Variants in ZFHX3 observed in about 807,000 individuals in gnomAD.
ZFHX3 encodes zinc finger homeobox 3, also known as zinc finger homeobox protein 3.
A neutral mutation model predicts 279.1 loss-of-function variants in ZFHX3; 42 were observed. The ratio of observed to expected loss-of-function variants is 0.15; its 90% CI spans 0.12 to 0.19. The LOEUF (loss-of-function observed/expected upper bound fraction) is 0.19. Ranked by LOEUF, ZFHX3 falls within the 10% of genes least tolerant of loss-of-function variation. The pLI is 1.00. For synonymous variants in ZFHX3, 2,293 were observed against 1,957.8 expected, an observed-to-expected ratio of 1.17 and a Z score of -4.52; for missense variants, 4,981 against 4,754.0, an observed-to-expected ratio of 1.05 and a Z score of -1.40.
chr16:73,171,119 G>A (rs1448551991), intron 5 of ZFHX3, among the ~76,000 whole-genome samples: 1 of 152,104 alleles, frequency 6.6e-6, no homozygotes, highest in African/African-American at 2.4e-5. Flanking sequence ...TCAAATAGAG[G>A]ATGCTGTATT....
At chr16:72,990,503 G>C (rs986881170) in intron 1 of ZFHX3, among the ~76,000 whole-genome samples, 1 of 152,124 alleles carries the variant, frequency 6.6e-6, no homozygotes, top group Non-Finnish European at 1.5e-5. Context: ...GCCACGGATG[G>C]GACAAACAGA....
At chr16:73,858,362 C>G (rs536428629) in intron 1 of ZFHX3, among the ~76,000 whole-genome samples, 1 of 152,294 alleles carries the variant, frequency 6.6e-6, no homozygotes, top group Non-Finnish European at 1.5e-5. Flanking sequence ...AGAACAGCTG[C>G]TGATCTTGAT....
chr16:73,729,305 T>C (rs2053548441), intron 1 of ZFHX3, among the ~76,000 whole-genome samples: 1 of 152,166 alleles, frequency 6.6e-6, no homozygotes, highest in Admixed American at 6.5e-5. Context: ...AGTGGGTGGA[T>C]CATTTGAGGT....
chr16:73,545,427 C>T (rs1596990314), intron 2 of ZFHX3, among the ~76,000 whole-genome samples: 2 of 152,088 alleles, frequency 1.3e-5, no homozygotes, highest in Non-Finnish European at 2.9e-5. Context: ...CTGGCTTCGG[C>T]GTCTCTCTCC....
At chr16:73,050,070 T>C (rs115403044), upstream of ZFHX3, among the ~76,000 whole-genome samples, 607 of 152,118 alleles carry the variant, frequency 4.0e-3, 6 homozygotes, top group African/African-American at 0.014. Flanking sequence ...AACAAGAAAA[T>C]GTTGATACTC....
intron 6 of ZFHX3, among the ~76,000 whole-genome samples, chr16:73,142,246 C>T (rs1012385286): frequency 1.3e-5 from 2 of 152,212 alleles, no homozygotes; most frequent in African/African-American, 2.4e-5. Context: ...CCTGCCTGCT[C>T]TCCTGGGCAG....
chr16:72,888,183 T>C (rs1241115172), intron 4 of ZFHX3, among the ~76,000 whole-genome samples: 1 of 152,220 alleles, frequency 6.6e-6, no homozygotes, highest in East Asian at 1.9e-4. Context: ...AAAGTTTATG[T>C]AACTTTTTGC....
rs527325260 is a variant in ZFHX3, at chr16:73,578,954, G to A, written c.-1547+101226C>T. On this transcript the variant is annotated intron_variant, in intron 2 of 17. Coordinates refer to the ZFHX3 transcript ENST00000641206. ...AAATTTAAGCTGGAAAACGAGTTCA[G>A]GCTGTGATGAGAAGGGAGAGCCGGA... Among the ~76,000 whole-genome samples, 3 of 152,264 alleles carry A rather than the reference G, an allele frequency of 2.0e-5. No individual in the cohort carries two copies. The East Asian group carries it at 5.8e-4, about 29-fold the overall frequency.
At chr16:73,655,539 G>C (rs955153752) in intron 2 of ZFHX3, among the ~76,000 whole-genome samples, 1 of 152,074 alleles carries the variant, frequency 6.6e-6, no homozygotes, top group Non-Finnish European at 1.5e-5. Flanking sequence ...CGTCAAAAGG[G>C]TTGAGTAAAA....
chr16:72,889,783 G>C lies in ZFHX3; in HGVS notation c.3396C>G (p.Asp1132Glu), dbSNP rs376290084. 10 of 1,613,284 alleles carry C rather than the reference G, an allele frequency of 6.2e-6. No individual in the cohort carries two copies. The highest frequency in any genetic ancestry group is 5.5e-5 in the South Asian group (5 of 91,042). Residue 1132 changes from aspartate to glutamate, a missense_variant, in exon 4 of 10, where the codon GAC becomes GAG. By Grantham distance (45) the Asp-to-Glu change is conservative. Around this residue, in one of 7 missense-constraint regions of ZFHX3, gnomAD observed 1,751 missense variants for 1,770.0 expected, o/e 0.99. Coordinates refer to ENST00000268489, the MANE Select transcript of ZFHX3 (RefSeq NM_006885.4). ...TGGTGAAGATCTGCCCCAGGTCCTC[G>C]TCCTCCTCTGGAAGGCCCTTCTGCA... ...QRLQKGLPEE[D>E]EDLGQIFTIR...
chr16:72,926,946 G>C (rs917456411), intron 3 of ZFHX3, among the ~76,000 whole-genome samples: 2 of 152,180 alleles, frequency 1.3e-5, no homozygotes, highest in Admixed American at 6.5e-5. Context: ...AAATTTATAG[G>C]AAAGTCTCCA....
chr16:73,132,242 A>G (rs1966699174), intron 6 of ZFHX3, among the ~76,000 whole-genome samples: 1 of 152,166 alleles, frequency 6.6e-6, no homozygotes. Context: ...CTTTGATTGT[A>G]TCACTGCACT....
intron 1 of ZFHX3, among the ~76,000 whole-genome samples, chr16:73,705,684 A>G (rs1327395871): frequency 2.0e-5 from 3 of 152,090 alleles, no homozygotes; most frequent in African/African-American, 4.8e-5. Context: ...GTGCTTTAAC[A>G]TTGAGTGTGA....
chr16:73,034,781 C>T (rs1318558889), intron 1 of ZFHX3, among the ~76,000 whole-genome samples: 2 of 152,202 alleles, frequency 1.3e-5, no homozygotes, highest in East Asian at 3.8e-4. Context: ...TTTTCACAGT[C>T]AGGTGAGCAC....
intron 3 of ZFHX3, among the ~76,000 whole-genome samples, chr16:73,324,389 C>T (rs999723531): frequency 1.3e-5 from 2 of 152,122 alleles, no homozygotes; most frequent in Admixed American, 1.3e-4. Flanking sequence ...TAACCAATAC[C>T]CATTCTCCTC....
intron 2 of ZFHX3, among the ~76,000 whole-genome samples, chr16:73,541,816 T>TTTC (rs1567514251): frequency 1.5e-5 from 2 of 132,534 alleles, no homozygotes; most frequent in Admixed American, 7.8e-5. Context: ...TTTTTTTTTT[T>TTTC]CCCTGAGATG....
At chr16:73,539,423 T>A (rs1307951904) in intron 2 of ZFHX3, among the ~76,000 whole-genome samples, 3 of 142,288 alleles carry the variant, frequency 2.1e-5, no homozygotes, top group African/African-American at 8.0e-5. Context: ...TTTTTTCCCT[T>A]CCTCTTCTTC....
intron 2 of ZFHX3, among the ~76,000 whole-genome samples, chr16:73,468,608 A>T (rs2018611918): frequency 6.6e-6 from 1 of 152,130 alleles, no homozygotes; most frequent in Admixed American, 6.5e-5. Flanking sequence ...GTGGTGGGAC[A>T]TGCCTGTAAT....
intron 3 of ZFHX3, among the ~76,000 whole-genome samples, chr16:73,435,185 G>C (rs2017974849): frequency 1.3e-5 from 2 of 152,036 alleles, no homozygotes; most frequent in South Asian, 2.1e-4. Flanking sequence ...GGTTTCTCAG[G>C]CTTGGGACTC....
Sources: allele counts gnomAD v4.1 joint callset (sites outside exome capture counted in the v4.1 genomes callset), GRCh38; gene constraint gnomAD v4.1.1; regional missense constraint gnomAD v4.1.1; transcripts MANE v1.5; gene names NCBI Gene and HGNC (gene_info 2026-07-23, HGNC 2026-07-21).